Variants in CTNNA2 observed in about 807,000 individuals in gnomAD.
CTNNA2 encodes the protein catenin alpha-2.
In CTNNA2, 42 loss-of-function variants were observed where a neutral mutation model predicts 101.0. The ratio of observed to expected loss-of-function variants is 0.42; its 90% CI spans 0.32 to 0.54. The LOEUF (loss-of-function observed/expected upper bound fraction) is 0.54, where lower values mean the gene tolerates loss of function less well. CTNNA2 is among the 20% of genes least tolerant of loss of function. The pLI is 0.14. For missense variants in CTNNA2, 871 were observed against 1,223.1 expected, an observed-to-expected ratio of 0.71 and a Z score of 4.29; for synonymous variants, 450 against 456.4, an observed-to-expected ratio of 0.99 and a Z score of 0.18.
chr2:80,046,810 A>G (rs1360791834), intron 7 of CTNNA2, among the ~76,000 whole-genome samples: 9 of 152,206 alleles, frequency 5.9e-5, no homozygotes, highest in Non-Finnish European at 1.0e-4. Context: ...TTTAGTTCTC[A>G]TAACCAACAT....
intron 2 of CTNNA2, among the ~76,000 whole-genome samples, chr2:79,659,302 C>T (rs998975963): frequency 3.4e-5 from 5 of 148,030 alleles, no homozygotes; most frequent in African/African-American, 1.2e-4. Flanking sequence ...CTGAAATAAT[C>T]AAAATATAAA....
At chr2:80,316,730 C>T (rs999471087) in intron 7 of CTNNA2, among the ~76,000 whole-genome samples, 2 of 152,158 alleles carry the variant, frequency 1.3e-5, no homozygotes, top group African/African-American at 4.8e-5. Context: ...GTTCTTTTAA[C>T]TATATATGCT....
rs567161773 is a variant in CTNNA2 at position 80,594,770 on chromosome 2, G to T, written c.2189+5285G>T. Among the ~76,000 whole-genome samples the T allele has an allele frequency of 3.3e-5, 5 of 151,942 alleles. No individual in the cohort carries two copies. The South Asian group carries it at 1.0e-3, about 32-fold the overall frequency. On this transcript the variant is annotated intron_variant, in intron 15 of 18. Coordinates refer to ENST00000402739, the MANE Select transcript of CTNNA2 (RefSeq NM_001282597.3). The stretch of plus-strand genomic sequence containing the variant: ...TATTGAAAACACTGCCCTTTTCCAA[G>T]ACCCAAATCTTAGCAAAAATCTTAG...
chr2:80,572,653 G>GAATAACTCAAATAGTCTGAGTT (rs557688655), intron 12 of CTNNA2: 183 of 152,190 alleles, frequency 1.2e-3, no homozygotes, highest in Middle Eastern at 3.4e-3. Context: ...TTCCCAACAC[G>GAATAACTCAAATAGTCTGAGTT]AATAACTCAA....
intron 6 of CTNNA2, among the ~76,000 whole-genome samples, chr2:79,904,397 A>C (rs1685277034): frequency 1.3e-5 from 2 of 152,242 alleles, no homozygotes; most frequent in Non-Finnish European, 2.9e-5. Flanking sequence ...CTCAGATAGC[A>C]TAAAAAGGAC....
In CTNNA2 at chr2:80,075,666, A is replaced by T. The variant is rs1463114866; in HGVS notation, c.1056+165869A>T. Among the ~76,000 whole-genome samples, 100 of 112,450 alleles carry T rather than the reference A, an allele frequency of 8.9e-4. 4 individuals carry two copies. The highest frequency in any genetic ancestry group is 2.8e-3 in the African/African-American group (71 of 25,648). The allele number at this position is 112,450 out of a possible 152,430, so 73.8% of individuals were successfully genotyped here. ...AATATTATAAAAATAATATTTATAC[A>T]TGTATAAATATTATAAAAATAATAT... On this transcript the variant is annotated intron_variant, in intron 7 of 18. Coordinates refer to ENST00000402739, the MANE Select transcript of CTNNA2 (RefSeq NM_001282597.3).
At chr2:79,771,858 G>A (rs537469548) in intron 3 of CTNNA2, among the ~76,000 whole-genome samples, 3 of 152,210 alleles carry the variant, frequency 2.0e-5, no homozygotes, top group Admixed American at 6.5e-5. Context: ...TTCTCATTGC[G>A]ACTGTTTTGT....
At chr2:80,497,107 A>T (rs964445855) in intron 9 of CTNNA2, among the ~76,000 whole-genome samples, 2 of 152,210 alleles carry the variant, frequency 1.3e-5, no homozygotes, top group Non-Finnish European at 2.9e-5. Flanking sequence ...TGAAGAAAAG[A>T]TATCTGAGCA....
chr2:80,138,281 A>G (rs1702808035), intron 7 of CTNNA2, among the ~76,000 whole-genome samples: 1 of 152,056 alleles, frequency 6.6e-6, no homozygotes, highest in Non-Finnish European at 1.5e-5. Flanking sequence ...CTTGGGGTGG[A>G]AAAAAAGGCA....
rs1687576608 is a variant in CTNNA2, at chr2:80,497,711, TCTC to T, written c.1291-47265_1291-47263del. On this transcript the variant is annotated intron_variant, in intron 9 of 18. Transcript: ENST00000402739. ...TCCATCTTAACTGACAGAGAGAAACTCTCCTCCTGGCCTTAAAGGAGCCAACTG... is the reference window on the plus strand; with the variant it reads ...TCCATCTTAACTGACAGAGAGAAACTCTCCTGGCCTTAAAGGAGCCAACTG... 3.3e-5 allele frequency among the ~76,000 whole-genome samples: 5 copies of T among 152,186 alleles called. No individual in the cohort carries two copies. In the South Asian group the frequency reaches 1.0e-3, roughly 32 times the overall value.
At chr2:79,527,748 A>C (rs2103912091) in intron 1 of CTNNA2, among the ~76,000 whole-genome samples, 1 of 152,296 alleles carries the variant, frequency 6.6e-6, no homozygotes, top group East Asian at 1.9e-4. Context: ...TTTGGAAAAC[A>C]GTTTGGTAGT....
chr2:80,368,713 A>G (rs988675829), intron 7 of CTNNA2, among the ~76,000 whole-genome samples: 9 of 151,900 alleles, frequency 5.9e-5, no homozygotes, highest in Non-Finnish European at 1.2e-4. Context: ...GGCATATTCT[A>G]AATATCTCTA....
chr2:80,509,419 G>A (rs1473714842), intron 9 of CTNNA2, among the ~76,000 whole-genome samples: 1 of 152,156 alleles, frequency 6.6e-6, no homozygotes, highest in Non-Finnish European at 1.5e-5. Context: ...ACACCATGAA[G>A]TAATACTCTA....
At chr2:79,615,810 G>T (rs530576343) in intron 1 of CTNNA2, among the ~76,000 whole-genome samples, 2 of 152,090 alleles carry the variant, frequency 1.3e-5, no homozygotes, top group Non-Finnish European at 2.9e-5. Context: ...AACCATTTCC[G>T]CAATATGAAG....
intron 6 of CTNNA2, among the ~76,000 whole-genome samples, chr2:79,893,501 A>C (rs964719279): frequency 1.3e-5 from 2 of 152,132 alleles, no homozygotes; most frequent in African/African-American, 2.4e-5. Flanking sequence ...CATTGAGTTA[A>C]TATTGACCAA....
chr2:80,479,379 A>C (rs1685974109), intron 9 of CTNNA2, among the ~76,000 whole-genome samples: 1 of 152,120 alleles, frequency 6.6e-6, no homozygotes, highest in Admixed American at 6.6e-5. Context: ...GGGTGCTGCT[A>C]AATATCCTAT....
chr2:79,726,799 GTTAGGTTGATTGATTTAC>G (rs2104895847), intron 2 of CTNNA2, among the ~76,000 whole-genome samples: 1 of 152,336 alleles, frequency 6.6e-6, no homozygotes, highest in Admixed American at 6.5e-5. Context: ...TATTGGCATA[GTTAGGTTGATTGATTTAC>G]TTATAAAATG....
intron 7 of CTNNA2, among the ~76,000 whole-genome samples, chr2:80,081,947 G>A (rs1054883909): frequency 3.3e-5 from 5 of 152,136 alleles, no homozygotes; most frequent in African/African-American, 9.7e-5. Context: ...GCAGCTAGAT[G>A]CAGGAGACAA....
At chr2:79,890,106 C>T (rs1334623404) in intron 6 of CTNNA2, among the ~76,000 whole-genome samples, 2 of 152,132 alleles carry the variant, frequency 1.3e-5, no homozygotes, top group Admixed American at 1.3e-4. Flanking sequence ...GCTGTGAATG[C>T]CATTTTTAGT....
Sources: gnomAD v4.1 joint callset for allele counts (sites outside exome capture counted in the v4.1 genomes callset) on GRCh38, gnomAD v4.1.1 for gene constraint, MANE v1.5 for transcripts, NCBI Gene and HGNC (gene_info 2026-07-23, HGNC 2026-07-21) for gene names.